ATXN1: variants seen among roughly 807,000 people sequenced by gnomAD.
ATXN1 encodes the protein ataxin-1.
A neutral mutation model predicts 56.4 loss-of-function variants in ATXN1; 8 were observed. That is an observed-to-expected ratio of 0.14 (90% CI 0.08 to 0.26). ATXN1 has a LOEUF of 0.26. Among genes scored for constraint, ATXN1 ranks in the 10% least tolerant of loss-of-function variants. The pLI is 1.00. For missense variants in ATXN1, 987 were observed against 1,106.5 expected, an observed-to-expected ratio of 0.89 and a Z score of 1.53; for synonymous variants, 514 against 494.6, an observed-to-expected ratio of 1.04 and a Z score of -0.52.
intron 7 of ATXN1, among the ~76,000 whole-genome samples, chr6:16,322,002 G>A (rs1421252358): frequency 1.3e-5 from 2 of 152,146 alleles, no homozygotes; most frequent in Admixed American, 6.5e-5. Flanking sequence ...TGGGTGGATC[G>A]CTTGAGCCCA....
At chr6:16,610,790 G>A (rs532796319) in intron 3 of ATXN1, among the ~76,000 whole-genome samples, 3 of 151,932 alleles carry the variant, frequency 2.0e-5, no homozygotes, top group Admixed American at 6.6e-5. Context: ...TTGGGAGGCC[G>A]AGGTGGGAGG....
At chr6:16,543,632 TA>T (rs566914364) in intron 4 of ATXN1, among the ~76,000 whole-genome samples, 170 of 106,378 alleles carry the variant, frequency 1.6e-3, no homozygotes, top group Non-Finnish European at 2.0e-3. Flanking sequence ...GCTATTTTCC[TA>T]AAAAAAAAAA....
At chr6:16,317,220 A>G (rs990098929) in intron 7 of ATXN1, among the ~76,000 whole-genome samples, 1 of 152,194 alleles carries the variant, frequency 6.6e-6, no homozygotes, top group African/African-American at 2.4e-5. Flanking sequence ...CACGTTACAT[A>G]ACGCCAGACA....
At chr6:16,359,571 A>G (rs1761765045) in intron 6 of ATXN1, among the ~76,000 whole-genome samples, 1 of 152,018 alleles carries the variant, frequency 6.6e-6, no homozygotes, top group South Asian at 2.1e-4. Context: ...CTGCAGAATG[A>G]CTTGCCTGCA....
At position 16,327,593 on chromosome 6, in the gene ATXN1, G is replaced by T; in HGVS notation, c.718C>A (p.Pro240Thr). ...ACGTACTGGTTCTGCTGGGCTGGTG[G>T]GGGGGACCCCGGGGTGATGAGCCCC... ...APGLITPGSP[P>T]PAQQNQYVHI... Residue 240 changes from proline to threonine, a missense_variant, in exon 7 of 8, where the codon CCA becomes ACA. Physicochemically the swap from Pro to Thr is conservative, Grantham distance 38 (BLOSUM62 -1). Around this residue, in one of 3 missense-constraint regions of ATXN1, gnomAD observed 723 missense variants for 791.7 expected, o/e 0.91. Coordinates refer to ENST00000436367, the MANE Select transcript of ATXN1 (RefSeq NM_001128164.2). 1 of 1,596,146 alleles carries T rather than the reference G, an allele frequency of 6.3e-7. No individual in the cohort carries two copies. The highest frequency in any genetic ancestry group is 2.3e-5 in the East Asian group (1 of 44,068).
intron 4 of ATXN1, among the ~76,000 whole-genome samples, chr6:16,529,979 G>A (rs903227616): frequency 2.1e-4 from 32 of 152,160 alleles, no homozygotes; most frequent in African/African-American, 6.8e-4. Flanking sequence ...TATTGAGTCC[G>A]TGAATGTCCC....
chr6:16,737,734 G>T (rs916236858), intron 2 of ATXN1: 1 of 152,112 alleles, frequency 6.6e-6, no homozygotes, highest in East Asian at 1.9e-4. Context: ...TCCCAGAAGA[G>T]AAGTAGAAAG....
At chr6:16,535,852 T>C (rs534426601) in intron 4 of ATXN1, among the ~76,000 whole-genome samples, 1 of 152,318 alleles carries the variant, frequency 6.6e-6, no homozygotes, top group African/African-American at 2.4e-5. Context: ...TATGATGTGA[T>C]AAAAGTGACA....
At chr6:16,731,285 C>A (rs1237220447) in intron 2 of ATXN1, among the ~76,000 whole-genome samples, 1 of 151,596 alleles carries the variant, frequency 6.6e-6, no homozygotes, top group African/African-American at 2.4e-5. Flanking sequence ...ATTAACAGAG[C>A]CAGGGAAGAA....
At chr6:16,647,981 CAGA>C (rs771908124) in intron 3 of ATXN1, among the ~76,000 whole-genome samples, 9 of 152,230 alleles carry the variant, frequency 5.9e-5, no homozygotes, top group Admixed American at 3.3e-4. Context: ...GAGGCTGAGG[CAGA>C]AGATCTCTTG....
intron 3 of ATXN1, among the ~76,000 whole-genome samples, chr6:16,634,908 C>A (rs1266771408): frequency 1.3e-5 from 2 of 152,108 alleles, no homozygotes; most frequent in African/African-American, 4.8e-5. Flanking sequence ...TTATTACTAT[C>A]GTTTTGTCAC....
intron 6 of ATXN1, among the ~76,000 whole-genome samples, chr6:16,348,497 G>A (rs9358090): frequency 0.091 from 13,881 of 151,962 alleles, 1,070 homozygotes; most frequent in East Asian, 0.39. Context: ...TCCAGAGTTC[G>A]AGACCAGCCT....
intron 2 of ATXN1, among the ~76,000 whole-genome samples, chr6:16,722,118 T>C (rs1759757552): frequency 6.6e-6 from 1 of 152,218 alleles, no homozygotes; most frequent in East Asian, 1.9e-4. Flanking sequence ...AGCAATATCA[T>C]GTTGCAAACT....
In ATXN1 at chr6:16,306,809, G is replaced by C. The variant is rs149604900; in HGVS notation, c.1968C>G (p.Gly656=). ...VEYPFFVFGQ[G]WSSCCPERTS... ...TTCTCTCCGGACAGCAGGATGACCA[G>C]CCCTGTCCAAACACAAAAAAAGGAT... The change falls in exon 8 of 8, where the codon GGC becomes GGG. Residue 656 remains glycine, a synonymous_variant. Coordinates refer to ENST00000436367, the MANE Select transcript of ATXN1 (RefSeq NM_001128164.2). The surrounding 1 kb of genome is among the most constrained non-coding windows in gnomAD (Gnocchi z 5.2). 68 of 1,613,646 alleles carry C rather than the reference G, an allele frequency of 4.2e-5. No homozygotes were observed. In the Middle Eastern group the frequency reaches 6.6e-4, roughly 16 times the overall value.
At chr6:16,579,383 G>T (rs1007709156) in intron 4 of ATXN1, among the ~76,000 whole-genome samples, 1 of 146,568 alleles carries the variant, frequency 6.8e-6, no homozygotes, top group African/African-American at 2.4e-5. Flanking sequence ...GCAAAATGAT[G>T]GTAATTTTTA....
chr6:16,407,929 A>T (rs1481395426), intron 6 of ATXN1, among the ~76,000 whole-genome samples: 1 of 152,364 alleles, frequency 6.6e-6, no homozygotes, highest in Middle Eastern at 3.4e-3. Flanking sequence ...TCTGAAGTCC[A>T]GTAATTCTTC....
chr6:16,582,973 G>A (rs1762555479), intron 4 of ATXN1, among the ~76,000 whole-genome samples: 1 of 152,176 alleles, frequency 6.6e-6, no homozygotes, highest in African/African-American at 2.4e-5. Context: ...AGAACATTAT[G>A]AACTCTTTTC....
intron 6 of ATXN1, among the ~76,000 whole-genome samples, chr6:16,339,221 CCACCA>C (rs1761189795): frequency 6.6e-6 from 1 of 152,180 alleles, no homozygotes; most frequent in Non-Finnish European, 1.5e-5. Flanking sequence ...ATCCTGCCAG[CCACCA>C]GGGGGCTGGG....
In ATXN1 at chr6:16,326,078, T is replaced by C. The variant is rs1013699434; in HGVS notation, c.1917+316A>G. 1.3e-5 allele frequency among the ~76,000 whole-genome samples: 2 copies of C among 152,176 alleles called. No individual in the cohort carries two copies. The highest frequency in any genetic ancestry group is 2.4e-5 in the African/African-American group (1 of 41,452). ...TAGAAGGACCTGAAGTCCAGCAGCG[T>C]TTCCTAATCAGGGTTCCTCATCTTA... On this transcript the variant is annotated intron_variant, in intron 7 of 7. Transcript: ENST00000436367. This position sits in a 1 kb window ranked among gnomAD's most constrained non-coding sequence, Gnocchi z 6.6.
Sources: allele counts gnomAD v4.1 joint callset (sites outside exome capture counted in the v4.1 genomes callset), GRCh38; gene constraint gnomAD v4.1.1; regional missense constraint gnomAD v4.1.1; non-coding constraint Gnocchi (gnomAD v3.1); transcripts MANE v1.5; gene names NCBI Gene and HGNC (gene_info 2026-07-23, HGNC 2026-07-21).